The following ANK2 variants were observed in gnomAD, a reference collection of about 807,000 sequenced individuals.
The protein encoded by ANK2 is ankyrin-2.
In ANK2, 83 loss-of-function variants were observed where a neutral mutation model predicts 360.5. The observed-to-expected ratio is 0.23, with a 90% CI of 0.19 to 0.28. ANK2 has a LOEUF of 0.28. Ranked by LOEUF, ANK2 falls within the 10% of genes least tolerant of loss-of-function variation. The pLI, the probability that ANK2 is intolerant of heterozygous loss-of-function variation, is 1.00. For synonymous variants in ANK2, 1,740 were observed against 1,759.5 expected, an observed-to-expected ratio of 0.99 and a Z score of 0.28; for missense variants, 4,201 against 4,795.7, an observed-to-expected ratio of 0.88 and a Z score of 3.66.
intron 1 of ANK2, among the ~76,000 whole-genome samples, chr4:112,854,675 T>C (rs991573611): frequency 6.6e-6 from 1 of 152,144 alleles, no homozygotes; most frequent in African/African-American, 2.4e-5. Context: ...GGGAGTGTGA[T>C]AGATGATTGA....
At chr4:112,711,322 C>T in the ANK2 span, among the ~76,000 whole-genome samples, 3 of 152,076 alleles carry the variant, frequency 2.0e-5, no homozygotes, top group South Asian at 4.2e-4. Flanking sequence ...CAGGAATTTG[C>T]GACCAGCCTG....
chr4:113,167,035 G>T (rs772222191), intron 1 of ANK2, among the ~76,000 whole-genome samples: 35 of 151,992 alleles, frequency 2.3e-4, no homozygotes, highest in Admixed American at 4.6e-4. Context: ...TTAGTAATCT[G>T]CATTGTCTCT....
chr4:113,332,916 G>A, intron 28 of ANK2, 138 bp from the exon 29 acceptor site: 1 of 1,243,498 alleles, frequency 8.0e-7, no homozygotes, highest in Non-Finnish European at 1.2e-6. Flanking sequence ...GCTAGCCAGT[G>A]GGCTCCAGGG....
chr4:112,785,373 CT>C, the ANK2 span, among the ~76,000 whole-genome samples: 1 of 143,322 alleles, frequency 7.0e-6, no homozygotes, highest in Admixed American at 7.0e-5. Context: ...ATTTATTTTC[CT>C]TTTTTTCCTT....
intron 1 of ANK2, among the ~76,000 whole-genome samples, chr4:112,903,281 T>G (rs572067553): frequency 1.3e-5 from 2 of 152,324 alleles, no homozygotes; most frequent in Admixed American, 1.3e-4. Context: ...CTTGCCATAT[T>G]TTCCTATGCT....
intron 1 of ANK2, among the ~76,000 whole-genome samples, chr4:113,083,782 A>G (rs527716897): frequency 2.0e-5 from 3 of 152,320 alleles, no homozygotes; most frequent in South Asian, 2.1e-4. Flanking sequence ...ATTTTATTTT[A>G]TATATCTGGT....
chr4:113,260,912 C>G (rs1393998045), intron 13 of ANK2, among the ~76,000 whole-genome samples: 1 of 152,154 alleles, frequency 6.6e-6, no homozygotes, highest in Non-Finnish European at 1.5e-5. Flanking sequence ...CCTAAAACAC[C>G]CCACCCTTGG....
intron 13 of ANK2, among the ~76,000 whole-genome samples, chr4:113,262,362 A>T (rs116757001): frequency 0.025 from 3,796 of 152,086 alleles, 81 homozygotes; most frequent in Non-Finnish European, 0.039. Context: ...AAGTAGCTGG[A>T]ACTACAGGCA....
At chr4:112,807,087 T>G in the ANK2 span, among the ~76,000 whole-genome samples, 2 of 152,194 alleles carry the variant, frequency 1.3e-5, no homozygotes, top group African/African-American at 4.8e-5. Flanking sequence ...CCCTCTCTGA[T>G]GGAGTGCTCT....
chr4:113,290,942 C>T (rs1587357170), intron 20 of ANK2, among the ~76,000 whole-genome samples: 1 of 152,320 alleles, frequency 6.6e-6, no homozygotes, highest in Non-Finnish European at 1.5e-5. Context: ...CAAATATCCT[C>T]ACTGGGGATT....
chr4:113,259,866 T>C (rs748366938), intron 13 of ANK2, among the ~76,000 whole-genome samples: 5 of 150,294 alleles, frequency 3.3e-5, no homozygotes, highest in Non-Finnish European at 7.4e-5. Context: ...GCCAGTAACA[T>C]TAAAACAAAA....
chr4:112,752,559 C>CT, the ANK2 span, among the ~76,000 whole-genome samples: 1 of 148,428 alleles, frequency 6.7e-6, no homozygotes, highest in African/African-American at 2.5e-5. Flanking sequence ...TTTTTTTTAA[C>CT]TTTTTTTGAG....
At chr4:113,297,897 G>A (rs1297061097) in intron 22 of ANK2, among the ~76,000 whole-genome samples, 1 of 151,926 alleles carries the variant, frequency 6.6e-6, no homozygotes, top group East Asian at 1.9e-4. Flanking sequence ...AGCTTCCAGA[G>A]TAACAGGGAC....
intron 5 of ANK2, among the ~76,000 whole-genome samples, chr4:113,233,655 A>C: frequency 6.6e-6 from 1 of 152,210 alleles, no homozygotes; most frequent in East Asian, 1.9e-4. Context: ...ATCATTTTCC[A>C]GTCCCTTTGG....
At chr4:113,373,896 A>G (rs1043053516) in intron 45 of ANK2, among the ~76,000 whole-genome samples, 1 of 152,144 alleles carries the variant, frequency 6.6e-6, no homozygotes, top group Admixed American at 6.5e-5. Context: ...CAGAGTTACT[A>G]AAATCAGGAT....
intron 2 of ANK2, among the ~76,000 whole-genome samples, chr4:113,179,763 C>G (rs1261815313): frequency 2.6e-5 from 4 of 152,192 alleles, no homozygotes; most frequent in African/African-American, 9.7e-5. Flanking sequence ...ACAAGATTAA[C>G]ATTCGGACAT....
At chr4:113,053,889 C>T (rs1025318441) in intron 1 of ANK2, among the ~76,000 whole-genome samples, 8 of 152,196 alleles carry the variant, frequency 5.3e-5, no homozygotes, top group African/African-American at 1.9e-4. Context: ...GACTATAAAA[C>T]TTATTCCACT....
In ANK2 at chr4:113,329,593, C is replaced by T. The variant is rs375680515; in HGVS notation, c.2901-653C>T. Among the ~76,000 whole-genome samples, 8 of 152,252 alleles carry T rather than the reference C, an allele frequency of 5.3e-5. No individual in the cohort carries two copies. The South Asian group carries it at 8.3e-4, about 16-fold the overall frequency. ...TGGTGTATGGGCGGGCCTACTTGTT[C>T]CCTATCCACCTGCTGTTCATTTCAA... On this transcript the variant is annotated intron_variant, in intron 26 of 45. Coordinates refer to ENST00000357077, the MANE Select transcript of ANK2 (RefSeq NM_001148.6).
chr4:113,058,473 T>TA (rs1000111443), intron 1 of ANK2, among the ~76,000 whole-genome samples: 16 of 151,934 alleles, frequency 1.1e-4, no homozygotes, highest in Admixed American at 8.5e-4. Flanking sequence ...TATTCTAGTT[T>TA]AAAAAAAATG....
Sources: allele counts gnomAD v4.1 joint callset (sites outside exome capture counted in the v4.1 genomes callset), GRCh38; gene constraint gnomAD v4.1.1; transcripts MANE v1.5; gene names NCBI Gene and HGNC (gene_info 2026-07-23, HGNC 2026-07-21).